Variants in JPH3 observed in about 807,000 individuals in gnomAD.
JPH3 encodes the protein junctophilin 3, also known as junctophilin-3.
A neutral mutation model predicts 59.6 loss-of-function variants in JPH3; 11 were observed. That is an observed-to-expected ratio of 0.18 (90% confidence interval 0.12 to 0.31). JPH3 has a LOEUF of 0.31. Among genes scored for constraint, JPH3 ranks in the 10% least tolerant of loss-of-function variants. JPH3 has a pLI of 1.00. For synonymous variants in JPH3, 673 were observed against 483.6 expected, an observed-to-expected ratio of 1.39 and a Z score of -5.14; for missense variants, 1,202 against 1,105.7, an observed-to-expected ratio of 1.09 and a Z score of -1.24.
rs1216691476 is a variant in JPH3, at chr16:87,684,305, G to T, written c.1285+39G>T. On this transcript the variant is annotated intron_variant, in intron 3 of 4. Coordinates refer to ENST00000284262, the MANE Select transcript of JPH3 (RefSeq NM_020655.4). ...GGCCTGATACTGGCATCGTGGGGAGGGGGTGCGTGGATGGCTGGGCAGTCC... is the reference window on the plus strand; with the variant it reads ...GGCCTGATACTGGCATCGTGGGGAGTGGGTGCGTGGATGGCTGGGCAGTCC... 6.2e-6 allele frequency: 10 copies of T among 1,609,108 alleles called. No individual in the cohort carries two copies. In the South Asian group the frequency reaches 6.6e-5, roughly 11 times the overall value.
intron 1 of JPH3, among the ~76,000 whole-genome samples, chr16:87,622,980 G>C (rs969387611): frequency 1.4e-4 from 21 of 152,240 alleles, no homozygotes; most frequent in African/African-American, 5.1e-4. Context: ...GGGTCCCACA[G>C]GGGGGTAAGT....
intron 1 of JPH3, among the ~76,000 whole-genome samples, chr16:87,636,847 C>A (rs554463753): frequency 6.6e-6 from 1 of 152,242 alleles, no homozygotes; most frequent in African/African-American, 2.4e-5. Flanking sequence ...GCGATTGTCA[C>A]CCTATCTTAC....
At chr16:87,667,543 C>T (rs1231607667) in intron 2 of JPH3, among the ~76,000 whole-genome samples, 1 of 152,190 alleles carries the variant, frequency 6.6e-6, no homozygotes, top group Non-Finnish European at 1.5e-5. Flanking sequence ...TCTTTGGGGG[C>T]CAGGTGGGTT....
intron 2 of JPH3, among the ~76,000 whole-genome samples, chr16:87,667,807 T>G (rs2032909871): frequency 1.3e-5 from 2 of 152,152 alleles, no homozygotes; most frequent in Non-Finnish European, 2.9e-5. Context: ...TGTCTGTTTT[T>G]GTTTGTTTTG....
In JPH3 at chr16:87,613,165, C is replaced by T. The variant is rs536798953; in HGVS notation, c.382+9637C>T. Among the ~76,000 whole-genome samples the T allele has an allele frequency of 2.2e-4, 32 of 143,186 alleles. No homozygotes were observed. In the South Asian group the frequency reaches 5.8e-3, roughly 26 times the overall value. 93.9% of individuals were successfully genotyped at this position (143,186 alleles called of 152,430 possible). A position where few individuals can be genotyped will look rare whatever the true frequency, so the allele number is the denominator to read the frequency against. ...AGGCTGGAGTGCAGTGGCGCGATCTCGGCTCACTGCAAGCTCCGCCTGCCG... is the reference window on the plus strand; with the variant it reads ...AGGCTGGAGTGCAGTGGCGCGATCTTGGCTCACTGCAAGCTCCGCCTGCCG... On this transcript the variant is annotated intron_variant, in intron 1 of 4. Coordinates refer to ENST00000284262, the MANE Select transcript of JPH3 (RefSeq NM_020655.4).
In JPH3 at chr16:87,634,837, G is replaced by A. The variant is rs566183885; in HGVS notation, c.383-9421G>A. 2.8e-4 allele frequency among the ~76,000 whole-genome samples: 42 copies of A among 152,364 alleles called. No homozygotes were observed. In the South Asian group the frequency reaches 5.8e-3, roughly 21 times the overall value. On this transcript the variant is annotated intron_variant, in intron 1 of 4. Coordinates refer to ENST00000284262, the MANE Select transcript of JPH3 (RefSeq NM_020655.4). Reference sequence around the variant, plus strand: ...CACAGCATGGGACTGGCTGAGAGACGCTCTGTGTGGGCTTCGGATCAGCTC... The same window carrying A: ...CACAGCATGGGACTGGCTGAGAGACACTCTGTGTGGGCTTCGGATCAGCTC...
At chr16:87,686,210 G>T (rs1053605918) in intron 3 of JPH3, among the ~76,000 whole-genome samples, 1 of 152,212 alleles carries the variant, frequency 6.6e-6, no homozygotes, top group Admixed American at 6.5e-5. Context: ...CCAGTCCCAA[G>T]AAATGGGTGC....
intron 2 of JPH3, among the ~76,000 whole-genome samples, chr16:87,650,203 C>T (rs182501869): frequency 5.9e-4 from 90 of 152,298 alleles, no homozygotes; most frequent in African/African-American, 1.9e-3. Flanking sequence ...GTAATTCTCA[C>T]GGTATTTCAA....
At chr16:87,642,516 G>A (rs951558556) in intron 1 of JPH3, among the ~76,000 whole-genome samples, 2 of 152,216 alleles carry the variant, frequency 1.3e-5, no homozygotes, top group Admixed American at 1.3e-4. Flanking sequence ...GCGGTGGGAC[G>A]AATAAAACCT....
intron 1 of JPH3, among the ~76,000 whole-genome samples, chr16:87,624,821 CAG>C (rs1375274812): frequency 2.0e-5 from 3 of 152,182 alleles, no homozygotes; most frequent in Admixed American, 2.0e-4. Flanking sequence ...TTTTTTGAGA[CAG>C]AGTTTCACTC....
At chr16:87,626,143 C>T (rs1052890778) in intron 1 of JPH3, among the ~76,000 whole-genome samples, 3 of 152,064 alleles carry the variant, frequency 2.0e-5, no homozygotes, top group Admixed American at 6.5e-5. Context: ...CAACAGCGGC[C>T]GGGGTCTCAT....
At chr16:87,675,671 TA>T (rs1295528095) in intron 2 of JPH3, among the ~76,000 whole-genome samples, 3 of 152,368 alleles carry the variant, frequency 2.0e-5, no homozygotes, top group East Asian at 3.9e-4. Context: ...TCTGATTTTA[TA>T]GCAGAGTTTC....
At chr16:87,640,567 A>G (rs892887084) in intron 1 of JPH3, among the ~76,000 whole-genome samples, 1 of 151,386 alleles carries the variant, frequency 6.6e-6, no homozygotes, top group Non-Finnish European at 1.5e-5. Flanking sequence ...GTTTTTTTGT[A>G]TTTTTAGTAG....
intron 2 of JPH3, among the ~76,000 whole-genome samples, chr16:87,649,211 G>A (rs1219671010): frequency 6.6e-6 from 1 of 152,196 alleles, no homozygotes; most frequent in Non-Finnish European, 1.5e-5. Flanking sequence ...TTCTCCTGTG[G>A]GGTCAGCCTC....
intron 3 of JPH3, among the ~76,000 whole-genome samples, chr16:87,687,524 T>C (rs2033447131): frequency 6.6e-6 from 1 of 152,150 alleles, no homozygotes; most frequent in Non-Finnish European, 1.5e-5. Flanking sequence ...AGCCTGGCCA[T>C]GCGGTGTCCA....
At chr16:87,694,923 CAT>C (rs1439748853) in intron 4 of JPH3, 1 of 233,480 alleles carries the variant, frequency 4.3e-6, no homozygotes, top group East Asian at 1.1e-4. Flanking sequence ...TTGCACGGCC[CAT>C]GTCTTCCCCG....
Position 87,616,206 on chromosome 16 carries a change from G to GTGTGTGTT in JPH3, c.382+12685_382+12686insTTGTGTGT, listed in dbSNP as rs2030954791. On this transcript the variant is annotated intron_variant, in intron 1 of 4. Coordinates refer to ENST00000284262, the MANE Select transcript of JPH3 (RefSeq NM_020655.4). ...AATCTGGTTTTGTGTGTGTGTGTGT[G>GTGTGTGTT]TGTGTGTGTGTGTGTGTGTGTGTGT... Among the ~76,000 whole-genome samples, 4 of 143,868 alleles carry GTGTGTGTT rather than the reference G, an allele frequency of 2.8e-5. No homozygotes were observed. The South Asian group carries it at 9.0e-4, about 32-fold the overall frequency. 94.4% of individuals were successfully genotyped at this position (143,868 alleles called of 152,430 possible). A position where few individuals can be genotyped will look rare whatever the true frequency, so the allele number is the denominator to read the frequency against.
rs778200959 is a variant in JPH3, at chr16:87,658,371, CCT to C, written c.1160+13341_1160+13342del. ...CTCTCTCCTTCTCCCCGCTTCTCCCCCTCTCTTTTTCCCTTTCTCTTTTCCTC... is the reference window on the plus strand; with the variant it reads ...CTCTCTCCTTCTCCCCGCTTCTCCCCCTCTTTTTCCCTTTCTCTTTTCCTC... On this transcript the variant is annotated intron_variant, in intron 2 of 4. Coordinates refer to ENST00000284262, the MANE Select transcript of JPH3 (RefSeq NM_020655.4). 4.6e-5 allele frequency among the ~76,000 whole-genome samples: 7 copies of C among 151,494 alleles called. No homozygotes were observed. The East Asian group carries it at 5.8e-4, about 13-fold the overall frequency.
chr16:87,619,656 G>A (rs1414901611), intron 1 of JPH3, among the ~76,000 whole-genome samples: 2 of 152,216 alleles, frequency 1.3e-5, no homozygotes, highest in Non-Finnish European at 2.9e-5. Flanking sequence ...CACGACGGCT[G>A]CAGGCAGAGG....
Sources: allele counts gnomAD v4.1 joint callset (sites outside exome capture counted in the v4.1 genomes callset), GRCh38; gene constraint gnomAD v4.1.1; transcripts MANE v1.5; gene names NCBI Gene and HGNC (gene_info 2026-07-23, HGNC 2026-07-21).